The following TENM3 variants were observed in gnomAD, a reference collection of about 807,000 sequenced individuals.
TENM3 encodes the protein teneurin-3.
TENM3 carries 63 observed loss-of-function variants against 255.1 expected under a neutral mutation model. The ratio of observed to expected loss-of-function variants is 0.25; its 90% CI spans 0.20 to 0.30. The LOEUF is 0.30. TENM3 is among the 10% of genes least tolerant of loss of function. The pLI, the probability that TENM3 is intolerant of heterozygous loss-of-function variation, is 1.00. For missense variants in TENM3, 2,929 were observed against 3,461.1 expected (o/e 0.85, Z 3.86); for synonymous variants, 1,306 against 1,322.3 (o/e 0.99, Z 0.27).
chr4:182,121,225 T>G, the TENM3 span, among the ~76,000 whole-genome samples: 1 of 152,072 alleles, frequency 6.6e-6, no homozygotes, highest in Non-Finnish European at 1.5e-5. Context: ...CTCGAACTAC[T>G]GACCTCAAGT....
intron 1 of TENM3, among the ~76,000 whole-genome samples, chr4:182,213,962 T>C (rs2597113): frequency 0.58 from 87,373 of 151,640 alleles, 25,647 homozygotes; most frequent in Non-Finnish European, 0.62. Flanking sequence ...CCACCACGCC[T>C]GGCTAATTTT....
At chr4:182,025,756 T>C in the TENM3 span, among the ~76,000 whole-genome samples, 1 of 152,174 alleles carries the variant, frequency 6.6e-6, no homozygotes, top group Non-Finnish European at 1.5e-5. Context: ...AGTTTTGATC[T>C]GCATTTCTAT....
At chr4:182,640,414 A>G (rs1055164590) in intron 5 of TENM3, among the ~76,000 whole-genome samples, 5 of 152,234 alleles carry the variant, frequency 3.3e-5, no homozygotes, top group African/African-American at 1.2e-4. Context: ...TTCTAGTTTT[A>G]ACAAGCTAAT....
At chr4:182,579,304 G>T (rs10020119) in intron 3 of TENM3, among the ~76,000 whole-genome samples, 119,223 of 152,176 alleles carry the variant, frequency 0.78, 46,848 homozygotes, top group East Asian at 0.89. Flanking sequence ...AGTCAGCAGA[G>T]AGTGATTTAT....
the TENM3 span, among the ~76,000 whole-genome samples, chr4:181,580,741 G>A: frequency 2.0e-5 from 3 of 152,206 alleles, no homozygotes; most frequent in South Asian, 2.1e-4. Context: ...GCCCCATGGA[G>A]TATCAGCATA....
chr4:181,798,829 C>T, the TENM3 span, among the ~76,000 whole-genome samples: 4 of 152,258 alleles, frequency 2.6e-5, no homozygotes, highest in East Asian at 1.9e-4. Flanking sequence ...CTAATAAAAA[C>T]GATGGTATGT....
chr4:182,535,274 C>A (rs577311460), intron 3 of TENM3, among the ~76,000 whole-genome samples: 1 of 152,178 alleles, frequency 6.6e-6, no homozygotes, highest in African/African-American at 2.4e-5. Context: ...CTGACCCTCA[C>A]GTACATATTT....
intron 24 of TENM3, among the ~76,000 whole-genome samples, chr4:182,787,559 C>T (rs893587524): frequency 6.6e-6 from 1 of 151,866 alleles, no homozygotes; most frequent in Non-Finnish European, 1.5e-5. Flanking sequence ...CATGGTGAAA[C>T]CCCATCTCTA....
the TENM3 span, among the ~76,000 whole-genome samples, chr4:181,706,843 T>G: frequency 6.6e-6 from 1 of 152,220 alleles, no homozygotes; most frequent in African/African-American, 2.4e-5. Context: ...GGGGCCGTCT[T>G]AAGTGTTCTG....
chr4:181,449,889 A>G, the TENM3 span, among the ~76,000 whole-genome samples: 1 of 152,232 alleles, frequency 6.6e-6, no homozygotes, highest in Non-Finnish European at 1.5e-5. Context: ...ATATTCTTTC[A>G]TTGACAGCAT....
At chr4:181,988,750 G>T in the TENM3 span, among the ~76,000 whole-genome samples, 1 of 151,624 alleles carries the variant, frequency 6.6e-6, no homozygotes, top group Admixed American at 6.6e-5. Flanking sequence ...TATTTTCATG[G>T]GTATGATTAT....
chr4:182,194,490 C>T (rs1249484602), intron 1 of TENM3, among the ~76,000 whole-genome samples: 2 of 152,134 alleles, frequency 1.3e-5, no homozygotes, highest in African/African-American at 4.8e-5. Context: ...TTACCTATAG[C>T]TTCTTCCACG....
At chr4:182,214,785 C>T (rs1276727663) in intron 1 of TENM3, among the ~76,000 whole-genome samples, 4 of 152,034 alleles carry the variant, frequency 2.6e-5, no homozygotes, top group African/African-American at 7.3e-5. Context: ...ACTTAAATTG[C>T]GACAGTGGTT....
the TENM3 span, among the ~76,000 whole-genome samples, chr4:181,503,260 G>A: frequency 1.1e-3 from 161 of 152,284 alleles, 1 homozygote; most frequent in African/African-American, 3.8e-3. Context: ...CATCTACTCA[G>A]GAGGCTGAGG....
chr4:181,940,799 G>T, the TENM3 span, among the ~76,000 whole-genome samples: 2 of 152,172 alleles, frequency 1.3e-5, no homozygotes, highest in Non-Finnish European at 2.9e-5. Context: ...TTTCACTGGG[G>T]CTGCTGTGTT....
At chr4:182,531,936 C>G (rs1011158699) in intron 3 of TENM3, among the ~76,000 whole-genome samples, 2 of 152,122 alleles carry the variant, frequency 1.3e-5, no homozygotes, top group Non-Finnish European at 2.9e-5. Context: ...ATCTGGGTTC[C>G]CAGACACCAG....
At chr4:181,541,858 T>C in the TENM3 span, among the ~76,000 whole-genome samples, 3 of 152,204 alleles carry the variant, frequency 2.0e-5, no homozygotes, top group Non-Finnish European at 4.4e-5. Flanking sequence ...CAGTTCTGGG[T>C]CACAGTCTAC....
chr4:182,627,031 G>A (rs1172388373), intron 4 of TENM3, among the ~76,000 whole-genome samples: 4 of 152,098 alleles, frequency 2.6e-5, no homozygotes, highest in Non-Finnish European at 5.9e-5. Flanking sequence ...ACCTGTATTA[G>A]GCCAACTTTC....
the TENM3 span, among the ~76,000 whole-genome samples, chr4:182,009,862 C>T: frequency 6.6e-6 from 1 of 152,284 alleles, no homozygotes; most frequent in African/African-American, 2.4e-5. Context: ...TCTTCCTATC[C>T]GTGGATTACA....
Sources: allele counts gnomAD v4.1 joint callset (sites outside exome capture counted in the v4.1 genomes callset), GRCh38; gene constraint gnomAD v4.1.1; transcripts MANE v1.5; gene names NCBI Gene and HGNC (gene_info 2026-07-23, HGNC 2026-07-21).